TMEM132D: variants seen among roughly 807,000 people sequenced by gnomAD.
The protein encoded by TMEM132D is transmembrane protein 132D.
A neutral mutation model predicts 62.3 loss-of-function variants in TMEM132D; 21 were observed. The observed-to-expected ratio is 0.34, with a 90% CI of 0.24 to 0.49. The LOEUF (loss-of-function observed/expected upper bound fraction) is 0.49, where lower values mean the gene tolerates loss of function less well. Ranked by LOEUF, TMEM132D falls within the 20% of genes least tolerant of loss-of-function variation. The probability of loss-of-function intolerance (pLI) is 0.99; values close to 1 mark genes in which losing one functional copy is unlikely to be tolerated. For synonymous variants in TMEM132D, 621 were observed against 575.6 expected (o/e 1.08, Z -1.13); for missense variants, 1,346 against 1,402.8 (o/e 0.96, Z 0.65).
intron 1 of TMEM132D, among the ~76,000 whole-genome samples, chr12:129,893,017 C>G (rs1874979649): frequency 6.6e-6 from 1 of 152,102 alleles, no homozygotes; most frequent in African/African-American, 2.4e-5. Flanking sequence ...GCTGGCACTA[C>G]AGGCACATGG....
At chr12:129,751,307 G>A (rs1287187097) in intron 1 of TMEM132D, among the ~76,000 whole-genome samples, 1 of 152,106 alleles carries the variant, frequency 6.6e-6, no homozygotes, top group East Asian at 1.9e-4. Context: ...GCGAGCGAGT[G>A]GGCACATGAC....
chr12:129,496,489 T>G (rs1269335265), intron 3 of TMEM132D, among the ~76,000 whole-genome samples: 2 of 152,188 alleles, frequency 1.3e-5, no homozygotes, highest in East Asian at 3.9e-4. Flanking sequence ...AGGAGGAAAT[T>G]ATAATATTCA....
chr12:129,612,632 A>G (rs1452242116), intron 2 of TMEM132D, among the ~76,000 whole-genome samples: 1 of 151,358 alleles, frequency 6.6e-6, no homozygotes, highest in African/African-American at 2.4e-5. Flanking sequence ...TTTAAAATAT[A>G]TATATATATA....
chr12:129,383,732 C>G (rs773505356), intron 3 of TMEM132D, among the ~76,000 whole-genome samples: 96 of 152,342 alleles, frequency 6.3e-4, no homozygotes, highest in Middle Eastern at 3.4e-3. Flanking sequence ...AGCCACCATG[C>G]CTGGCCTCTA....
intron 5 of TMEM132D, among the ~76,000 whole-genome samples, chr12:129,174,644 G>A (rs1877849481): frequency 6.6e-6 from 1 of 152,102 alleles, no homozygotes; most frequent in Admixed American, 6.5e-5. Context: ...GATCCTTGAG[G>A]AATTGCCATA....
intron 8 of TMEM132D, among the ~76,000 whole-genome samples, chr12:129,075,409 A>C (rs1245234736): frequency 6.6e-6 from 1 of 151,960 alleles, no homozygotes; most frequent in East Asian, 1.9e-4. Flanking sequence ...AATAAATTGC[A>C]CGACAAAGGA....
chr12:129,251,155 C>T lies in TMEM132D; in HGVS notation c.1300-41492G>A, dbSNP rs931684635. On this transcript the variant is annotated intron_variant, in intron 4 of 8. Coordinates refer to ENST00000422113, the MANE Select transcript of TMEM132D (RefSeq NM_133448.3). ...GGTGGGTTGCCTGAGCTCAGGAGTT[C>T]GAGACCAGCCTGGGCAACACGGTGA... 6.6e-5 allele frequency among the ~76,000 whole-genome samples: 10 copies of T among 151,922 alleles called. No individual in the cohort carries two copies. The South Asian group carries it at 8.3e-4, about 13-fold the overall frequency.
chr12:129,331,792 C>G (rs1021760255), intron 4 of TMEM132D, among the ~76,000 whole-genome samples: 28 of 152,204 alleles, frequency 1.8e-4, no homozygotes, highest in African/African-American at 6.5e-4. Context: ...AAACTTGAAA[C>G]ACTTGTTTTA....
intron 3 of TMEM132D, among the ~76,000 whole-genome samples, chr12:129,377,906 C>G (rs1870829482): frequency 6.6e-6 from 1 of 152,132 alleles, no homozygotes; most frequent in African/African-American, 2.4e-5. Context: ...GTAACCTAGT[C>G]ACTTTAAATC....
At chr12:129,713,589 G>C (rs957257138) in intron 1 of TMEM132D, among the ~76,000 whole-genome samples, 1 of 152,124 alleles carries the variant, frequency 6.6e-6, no homozygotes, top group African/African-American at 2.4e-5. Flanking sequence ...TGTGTGTCTT[G>C]CTTGAGCTTT....
At chr12:129,806,729 ATAAAG>A (rs1450721441) in intron 1 of TMEM132D, among the ~76,000 whole-genome samples, 7 of 152,132 alleles carry the variant, frequency 4.6e-5, no homozygotes, top group Admixed American at 2.0e-4. Flanking sequence ...AAATAAAAAA[ATAAAG>A]TAATTACCAG....
intron 1 of TMEM132D, among the ~76,000 whole-genome samples, chr12:129,775,578 C>A (rs949239972): frequency 4.6e-5 from 7 of 152,066 alleles, no homozygotes; most frequent in African/African-American, 1.7e-4. Flanking sequence ...GGGATGGAAG[C>A]AACAAAGGGA....
At chr12:129,618,923 C>A (rs1400159836) in intron 2 of TMEM132D, among the ~76,000 whole-genome samples, 1 of 152,048 alleles carries the variant, frequency 6.6e-6, no homozygotes, top group African/African-American at 2.4e-5. Flanking sequence ...CAACTCGAAG[C>A]GGGGGCTGCC....
chr12:129,075,822 C>G (rs78964961), intron 8 of TMEM132D, among the ~76,000 whole-genome samples: 8,852 of 152,278 alleles, frequency 0.058, 848 homozygotes, highest in African/African-American at 0.2. Flanking sequence ...ATAGTTTGAC[C>G]AGGCAGATCA....
intron 1 of TMEM132D, among the ~76,000 whole-genome samples, chr12:129,761,095 C>G (rs937264153): frequency 6.6e-6 from 1 of 151,952 alleles, no homozygotes. Flanking sequence ...GCGGGAGGAA[C>G]TGGAGAGATC....
intron 1 of TMEM132D, among the ~76,000 whole-genome samples, chr12:129,825,016 T>TTTC (rs202076643): frequency 3.7e-5 from 5 of 134,542 alleles, no homozygotes; most frequent in South Asian, 2.4e-4. Flanking sequence ...GCAGTCTTTT[T>TTTC]TTTTTTTTTT....
rs183303281 is a variant in TMEM132D at position 129,466,539 on chromosome 12, C to G, written c.1115+64520G>C. On this transcript the variant is annotated intron_variant, in intron 3 of 8. Coordinates refer to ENST00000422113, the MANE Select transcript of TMEM132D (RefSeq NM_133448.3). ...AGCTAAGCCTCAATTAATCATTGCT[C>G]CTCATAACAACTGTTATGAATCCTC... Among the ~76,000 whole-genome samples the G allele has an allele frequency of 6.6e-5, 10 of 152,182 alleles. No individual in the cohort carries two copies. The East Asian group carries it at 1.9e-3, about 29-fold the overall frequency.
intron 1 of TMEM132D, among the ~76,000 whole-genome samples, chr12:129,806,472 T>C (rs899393596): frequency 5.1e-5 from 7 of 136,328 alleles, no homozygotes; most frequent in Non-Finnish European, 4.7e-5. Flanking sequence ...ATATTCTCAC[T>C]CATAGGTGGG....
intron 1 of TMEM132D, among the ~76,000 whole-genome samples, chr12:129,750,048 C>T (rs7968067): frequency 0.63 from 95,947 of 152,052 alleles, 30,883 homozygotes; most frequent in South Asian, 0.74. Flanking sequence ...TCTCTACTGA[C>T]GATGATGCCT....
Sources: gnomAD v4.1 joint callset for allele counts (sites outside exome capture counted in the v4.1 genomes callset) on GRCh38, gnomAD v4.1.1 for gene constraint, MANE v1.5 for transcripts, NCBI Gene and HGNC (gene_info 2026-07-23, HGNC 2026-07-21) for gene names.